Variants in CCT3 observed in about 807,000 individuals in gnomAD.
CCT3 encodes the protein T-complex protein 1 subunit gamma.
Under a neutral mutation model 65.3 loss-of-function variants are expected in CCT3, and 10 were observed. The ratio of observed to expected loss-of-function variants is 0.15; its 90% CI spans 0.09 to 0.26. The LOEUF (loss-of-function observed/expected upper bound fraction) is 0.26. Ranked by LOEUF, CCT3 falls within the 10% of genes least tolerant of loss-of-function variation. CCT3 has a pLI of 1.00. For missense variants in CCT3, 626 were observed against 708.7 expected (o/e 0.88, Z 1.33); for synonymous variants, 225 against 242.3 (o/e 0.93, Z 0.66).
rs1393868804 is a variant in CCT3 at position 156,333,605 on chromosome 1, T to G, written c.246A>C (p.Glu82Asp). ...VQHPAAKSMIEISRTQDEEVG... is the reference protein window; with the variant it reads ...VQHPAAKSMIDISRTQDEEVG... ...CCTCTTCATCCTGGGTCCGGCTAATTTCGATCATGGACTTGGCCGCTGGAT... is the reference window on the plus strand; with the variant it reads ...CCTCTTCATCCTGGGTCCGGCTAATGTCGATCATGGACTTGGCCGCTGGAT... Residue 82 changes from glutamate (E) to aspartate (D), a missense_variant, in exon 5 of 14, where the codon GAA (glutamate) becomes GAC (aspartate). By Grantham distance (45) the Glu-to-Asp change is conservative. Coordinates refer to ENST00000295688, the MANE Select transcript of CCT3 (RefSeq NM_005998.5). 1.2e-6 allele frequency: 2 copies of G among 1,613,958 alleles called. No homozygotes were observed. Among genetic ancestry groups the G allele is most frequent in the Non-Finnish European group, 8.5e-7 (1 of 1,179,950 alleles).
intron 10 of CCT3, among the ~76,000 whole-genome samples, chr1:156,316,947 A>G (rs1039144893): frequency 6.6e-6 from 1 of 152,194 alleles, no homozygotes; most frequent in Non-Finnish European, 1.5e-5. Context: ...GTCTAAGCAC[A>G]AGCTGCTCAC....
At chr1:156,323,747 G>A (rs1664675788) in intron 6 of CCT3, among the ~76,000 whole-genome samples, 1 of 151,366 alleles carries the variant, frequency 6.6e-6, no homozygotes, top group South Asian at 2.1e-4. Context: ...TTACAGACGT[G>A]AGCCACCGCA....
Position 156,311,072 on chromosome 1 carries a change from T to C in CCT3, c.1279A>G (p.Lys427Glu). 1 of 1,613,998 alleles carries C rather than the reference T, an allele frequency of 6.2e-7. No individual in the cohort carries two copies. The highest frequency in any genetic ancestry group is 8.5e-7 in the Non-Finnish European group (1 of 1,179,984). ...CATTGTTCCACACCAGTCATGGCCT[T>C]GGATTTTTCTGTCAAGGCATGGGCC... ...AVAHALTEKS[K>E]AMTGVEQWPY... Residue 427 changes from lysine (K) to glutamate (E), a missense_variant, in exon 12 of 14, where the codon AAG becomes GAG. By Grantham distance (56) the Lys-to-Glu change is moderately conservative (BLOSUM62 1). Transcript: ENST00000295688.
chr1:156,334,625 A>C (rs112592652), intron 4 of CCT3, 88 bp downstream of exon 4: 3 of 1,277,618 alleles, frequency 2.3e-6, no homozygotes, highest in Non-Finnish European at 1.1e-6. Context: ...CAGCCCTAAA[A>C]AACTAATCAG....
intron 7 of CCT3, 70 bp downstream of exon 7, chr1:156,320,769 A>G (rs1664518161): frequency 1.8e-6 from 2 of 1,107,670 alleles, no homozygotes; most frequent in Admixed American, 4.1e-5. Context: ...AAAACAGACT[A>G]TTTCCTCACA....
intron 7 of CCT3, among the ~76,000 whole-genome samples, chr1:156,320,166 GA>G (rs1194588597): frequency 6.6e-6 from 1 of 152,154 alleles, no homozygotes; most frequent in Non-Finnish European, 1.5e-5. Context: ...AGCACTTTGT[GA>G]GGCAAAGGTG....
At chr1:156,316,441 T>C (rs926700811) in intron 10 of CCT3, among the ~76,000 whole-genome samples, 7 of 152,206 alleles carry the variant, frequency 4.6e-5, no homozygotes, top group Non-Finnish European at 1.5e-5. Context: ...CTCCAACTCA[T>C]GGCCATGTGA....
At chr1:156,315,110 C>T (rs1664255137) in intron 10 of CCT3, among the ~76,000 whole-genome samples, 1 of 152,174 alleles carries the variant, frequency 6.6e-6, no homozygotes, top group South Asian at 2.1e-4. Context: ...GAAAGACCAG[C>T]CCGTTCTTCC....
intron 5 of CCT3, among the ~76,000 whole-genome samples, chr1:156,326,981 G>A (rs1368129763): frequency 6.6e-6 from 1 of 152,224 alleles, no homozygotes. Context: ...GAGAGGCAGA[G>A]GTTGCAGTGA....
chr1:156,313,817 C>T (rs1408512888), intron 10 of CCT3, among the ~76,000 whole-genome samples: 1 of 152,078 alleles, frequency 6.6e-6, no homozygotes, highest in Non-Finnish European at 1.5e-5. Context: ...CGGCTGGGCA[C>T]GGTGGCTCAT....
At chr1:156,325,925 A>C (rs1664784516) in intron 5 of CCT3, among the ~76,000 whole-genome samples, 1 of 152,168 alleles carries the variant, frequency 6.6e-6, no homozygotes, top group Non-Finnish European at 1.5e-5. Context: ...GAAGGCTCTA[A>C]AATAAAGAAA....
intron 5 of CCT3, among the ~76,000 whole-genome samples, chr1:156,327,901 C>T (rs1664899806): frequency 1.1e-5 from 1 of 88,816 alleles, no homozygotes; most frequent in African/African-American, 3.1e-5. Context: ...TGCCCCACCG[C>T]CCCGTCTGGG....
chr1:156,318,979 A>G lies in CCT3; in HGVS notation c.648T>C (p.Arg216=). The change falls in exon 8 of 14, where the codon CGT becomes CGC. Residue 216 remains arginine, a synonymous_variant. Transcript: ENST00000295688. The part of the protein sequence containing the change: ...GGIIEDSCVL[R]GVMINKDVTH... ...TCACATCCTTGTTAATCATGACTCC[A>G]CGCAAGACACAGGAGTCTTCAATGA... The G allele has an allele frequency of 1.2e-6, 2 of 1,613,906 alleles. No homozygotes were observed. The highest frequency in any genetic ancestry group is 1.7e-6 in the Non-Finnish European group (2 of 1,179,870).
At chr1:156,324,106 C>T (rs6672860) in intron 6 of CCT3, among the ~76,000 whole-genome samples, 32,290 of 151,592 alleles carry the variant, frequency 0.21, 3,664 homozygotes, top group Admixed American at 0.31. Flanking sequence ...CTCACTCTGT[C>T]ACCCAGGCTG....
Position 156,337,060 on chromosome 1 carries a change from A to T in CCT3, c.31+1094T>A, listed in dbSNP as rs1299234015. 3 of 1,284,198 alleles carry T rather than the reference A, an allele frequency of 2.3e-6. No individual in the cohort carries two copies. In the Admixed American group the frequency reaches 7.0e-5, roughly 30 times the overall value. 79.6% of individuals were successfully genotyped at this position (1,284,198 alleles called of 1,614,324 possible). ...TCTGCAGATGAGGTACAGAAGTTAC[A>T]CACAGAATGGAAACATACCAAAGGA... On this transcript the variant is annotated intron_variant, in intron 1 of 13. Coordinates refer to ENST00000295688, the MANE Select transcript of CCT3 (RefSeq NM_005998.5).
Position 156,338,167 on chromosome 1 carries a change from T to A in CCT3, c.18A>T (p.Pro6=), listed in dbSNP as rs761995263. Residue 6 remains proline, a synonymous_variant, in exon 1 of 14, where the codon CCA becomes CCT. Transcript: ENST00000295688. MMGHR[P]VLVLSQNTKR... ...CCCAGAACTCACTGAGCACGAGCAC[T>A]GGACGATGGCCCATCATGGCGACGC... The A allele has an allele frequency of 6.3e-7, 1 of 1,589,182 alleles. No homozygotes were observed. The highest frequency in any genetic ancestry group is 8.5e-7 in the Non-Finnish European group (1 of 1,169,602).
chr1:156,336,261 G>T (rs1057430554), intron 1 of CCT3, among the ~76,000 whole-genome samples: 1 of 148,106 alleles, frequency 6.8e-6, no homozygotes, highest in Non-Finnish European at 1.5e-5. Context: ...GATTATGTGA[G>T]AAAATGAGAG....
At chr1:156,314,581 G>A (rs984697699) in intron 10 of CCT3, among the ~76,000 whole-genome samples, 1 of 152,120 alleles carries the variant, frequency 6.6e-6, no homozygotes, top group African/African-American at 2.4e-5. Context: ...GGGCTTGGTG[G>A]CTCACGCCTG....
At chr1:156,320,002 G>C (rs758287743) in intron 7 of CCT3, among the ~76,000 whole-genome samples, 6 of 152,188 alleles carry the variant, frequency 3.9e-5, no homozygotes, top group Non-Finnish European at 8.8e-5. Flanking sequence ...CTTGTGTAGG[G>C]ATAGCAGTGA....
Sources: allele counts gnomAD v4.1 joint callset (sites outside exome capture counted in the v4.1 genomes callset), GRCh38; gene constraint gnomAD v4.1.1; transcripts MANE v1.5; gene names NCBI Gene and HGNC (gene_info 2026-07-23, HGNC 2026-07-21).